Variants in DNER observed in about 807,000 individuals in gnomAD.
DNER encodes delta and Notch-like epidermal growth factor-related receptor.
In DNER, 33 loss-of-function variants were observed where a neutral mutation model predicts 78.2. The observed-to-expected ratio is 0.42, with a 90% CI of 0.32 to 0.56. The LOEUF is 0.56. DNER is among the 20% of genes least tolerant of loss of function. The pLI, the probability that DNER is intolerant of heterozygous loss-of-function variation, is 0.11. For missense variants in DNER, 918 were observed against 975.3 expected (o/e 0.94, Z 0.78); for synonymous variants, 417 against 384.8 (o/e 1.08, Z -0.98).
chr2:229,361,435 G>T (rs567574186), intron 12 of DNER, among the ~76,000 whole-genome samples: 2 of 152,272 alleles, frequency 1.3e-5, no homozygotes, highest in African/African-American at 4.8e-5. Context: ...GCCAATTCCA[G>T]CCTGATGCCT....
At chr2:229,399,320 A>ACG (rs1307301552) in intron 10 of DNER, among the ~76,000 whole-genome samples, 2 of 151,804 alleles carry the variant, frequency 1.3e-5, no homozygotes, top group South Asian at 4.1e-4. Context: ...ACACACACAC[A>ACG]CATGCATATA....
At chr2:229,679,463 A>G (rs1291907260) in intron 1 of DNER, among the ~76,000 whole-genome samples, 1 of 152,202 alleles carries the variant, frequency 6.6e-6, no homozygotes, top group African/African-American at 2.4e-5. Flanking sequence ...TCTTTGGAAC[A>G]TATTTTTCTA....
At chr2:229,448,209 C>T (rs1280518962) in intron 7 of DNER, among the ~76,000 whole-genome samples, 1 of 151,902 alleles carries the variant, frequency 6.6e-6, no homozygotes, top group Non-Finnish European at 1.5e-5. Flanking sequence ...AGTACTGACA[C>T]ATCGTATGAC....
At chr2:229,501,795 T>A (rs1695629047) in intron 6 of DNER, among the ~76,000 whole-genome samples, 1 of 152,222 alleles carries the variant, frequency 6.6e-6, no homozygotes, top group South Asian at 2.1e-4. Context: ...GGAGGTTAAT[T>A]AATTGATATT....
At chr2:229,605,475 C>T (rs1697916935) in intron 1 of DNER, among the ~76,000 whole-genome samples, 1 of 152,154 alleles carries the variant, frequency 6.6e-6, no homozygotes, top group African/African-American at 2.4e-5. Context: ...AAATATTTAG[C>T]ATTTCCAATT....
chr2:229,516,075 C>A (rs959415317), intron 5 of DNER, among the ~76,000 whole-genome samples: 3 of 152,158 alleles, frequency 2.0e-5, no homozygotes, highest in Admixed American at 1.3e-4. Flanking sequence ...AAGTAGAACA[C>A]AAAATTGATT....
At position 229,618,569 on chromosome 2, in the gene DNER, G is replaced by A. The variant is rs372334977; in HGVS notation, c.277-26681C>T. 1.4e-4 allele frequency among the ~76,000 whole-genome samples: 21 copies of A among 152,232 alleles called. No individual in the cohort carries two copies. The East Asian group carries it at 3.1e-3, about 22-fold the overall frequency. On this transcript the variant is annotated intron_variant, in intron 1 of 12. Coordinates refer to ENST00000341772, the MANE Select transcript of DNER (RefSeq NM_139072.4). The stretch of plus-strand genomic sequence containing the variant: ...GCCTCGCAAAGCTGGTGCCCCGGAC[G>A]CACAGCCCACCCCAGTGAATTCTGC...
intron 12 of DNER, among the ~76,000 whole-genome samples, chr2:229,361,390 A>C (rs950551811): frequency 2.0e-5 from 3 of 152,230 alleles, no homozygotes; most frequent in African/African-American, 7.2e-5. Context: ...GAAAATTATA[A>C]AATAGACTAG....
intron 6 of DNER, among the ~76,000 whole-genome samples, chr2:229,477,841 A>G (rs1008517139): frequency 6.6e-6 from 1 of 152,232 alleles, no homozygotes; most frequent in Non-Finnish European, 1.5e-5. Context: ...TACTTAATTC[A>G]CAAATCCAAC....
At chr2:229,480,134 CCT>C (rs1323983078) in intron 6 of DNER, among the ~76,000 whole-genome samples, 1 of 152,202 alleles carries the variant, frequency 6.6e-6, no homozygotes, top group African/African-American at 2.4e-5. Context: ...ACAATCACTT[CCT>C]TTTTACTTTT....
intron 1 of DNER, among the ~76,000 whole-genome samples, chr2:229,696,698 G>A (rs538272828): frequency 6.6e-6 from 1 of 152,320 alleles, no homozygotes; most frequent in African/African-American, 2.4e-5. Flanking sequence ...TTCTTGGGAG[G>A]GAGGTACAGG....
intron 1 of DNER, among the ~76,000 whole-genome samples, chr2:229,616,165 C>T (rs977817752): frequency 1.3e-5 from 2 of 152,176 alleles, no homozygotes; most frequent in Non-Finnish European, 2.9e-5. Flanking sequence ...GGTGACCATG[C>T]TCATGAAGTT....
rs544707886 is a variant in DNER, at chr2:229,579,415, C to T, written c.847+6443G>A. ...GTATTTCCCACAGCCCTGCTACCTACAAATATAAATAAATAATTTAATTTC... is the reference window on the plus strand; with the variant it reads ...GTATTTCCCACAGCCCTGCTACCTATAAATATAAATAAATAATTTAATTTC... On this transcript the variant is annotated intron_variant, in intron 4 of 12. Coordinates refer to ENST00000341772, the MANE Select transcript of DNER (RefSeq NM_139072.4). Among the ~76,000 whole-genome samples the T allele has an allele frequency of 8.5e-5, 13 of 152,314 alleles. No homozygotes were observed. The South Asian group carries it at 2.7e-3, about 32-fold the overall frequency.
intron 1 of DNER, among the ~76,000 whole-genome samples, chr2:229,712,284 C>T (rs1026587826): frequency 1.3e-5 from 2 of 152,232 alleles, no homozygotes; most frequent in African/African-American, 2.4e-5. Flanking sequence ...CATCAAGTCA[C>T]TACTTAGGAC....
intron 8 of DNER, among the ~76,000 whole-genome samples, chr2:229,426,003 G>A (rs1407735618): frequency 6.6e-6 from 1 of 152,138 alleles, no homozygotes; most frequent in African/African-American, 2.4e-5. Flanking sequence ...TGTGAAGAGT[G>A]GTTCCTTTAA....
intron 1 of DNER, among the ~76,000 whole-genome samples, chr2:229,628,364 A>G (rs1698380378): frequency 6.6e-6 from 1 of 152,214 alleles, no homozygotes; most frequent in South Asian, 2.1e-4. Flanking sequence ...CCGAATGTCC[A>G]ACCCATAAAA....
intron 11 of DNER, among the ~76,000 whole-genome samples, chr2:229,387,515 GAAAGAAAGAAAGAA>G (rs1692906273): frequency 7.2e-4 from 53 of 73,628 alleles, no homozygotes; most frequent in African/African-American, 2.5e-3. Context: ...AAGAGAGAAA[GAAAGAAAGAAAGAA>G]AGAAAGAAAG....
intron 8 of DNER, among the ~76,000 whole-genome samples, chr2:229,446,583 C>T (rs1463703690): frequency 1.3e-5 from 2 of 152,104 alleles, no homozygotes; most frequent in East Asian, 1.9e-4. Context: ...AGAGCCAGCT[C>T]GTGTAAGGAT....
At chr2:229,488,017 G>T (rs1288001624) in intron 6 of DNER, among the ~76,000 whole-genome samples, 1 of 152,192 alleles carries the variant, frequency 6.6e-6, no homozygotes, top group Non-Finnish European at 1.5e-5. Flanking sequence ...ACGATGTGTT[G>T]TATATTGATC....
Sources: allele counts gnomAD v4.1 joint callset (sites outside exome capture counted in the v4.1 genomes callset), GRCh38; gene constraint gnomAD v4.1.1; transcripts MANE v1.5; gene names NCBI Gene and HGNC (gene_info 2026-07-23, HGNC 2026-07-21).